ABCA7: variants seen among roughly 807,000 people sequenced by gnomAD.
ABCA7 encodes ATP binding cassette subfamily A member 7.
ABCA7 carries 261 observed loss-of-function variants against 227.6 expected under a neutral mutation model. The ratio of observed to expected loss-of-function variants is 1.15; its 90% CI spans 1.04 to 1.27. ABCA7 has a LOEUF of 1.27. Ranked by LOEUF, ABCA7 falls within the 50% of genes most tolerant of loss-of-function variation. ABCA7 has a pLI of 0.00. For missense variants in ABCA7, 3,331 were observed against 2,924.5 expected (o/e 1.14, Z -3.21); for synonymous variants, 1,488 against 1,279.7 (o/e 1.16, Z -3.47).
chr19:1,048,821 AAAC>A lies in ABCA7; in HGVS notation c.2270-71_2270-69del, dbSNP rs878960811. 3,861 of 852,742 alleles carry A rather than the reference AAAC, an allele frequency of 4.5e-3. 73 individuals are homozygous for A. In the African/African-American group the frequency reaches 0.047, roughly 10 times the overall value. 52.8% of individuals were successfully genotyped at this position (852,742 alleles called of 1,614,324 possible). The stretch of plus-strand genomic sequence containing the variant: ...AAGACTCCGTCTCAAAAAAAAAAAA[AAAC>A]AAAACCCCAAAAAAAGCCTGGTACA... On this transcript the variant is annotated intron_variant, in intron 16 of 46. Transcript: ENST00000263094.
chr19:1,049,035 T>C, intron 17 of ABCA7, 30 bp downstream of exon 17: 1 of 1,298,530 alleles, frequency 7.7e-7, no homozygotes, highest in South Asian at 1.3e-5. Context: ...AATAGCTGGT[T>C]GTCCACATAT....
chr19:1,061,945 C>T (rs1385898341), intron 41 of ABCA7, 57 bp downstream of exon 41: 4 of 1,494,842 alleles, frequency 2.7e-6, no homozygotes, highest in Non-Finnish European at 2.7e-6. Context: ...CGTCCTTGTG[C>T]TTCCCCACCC....
In ABCA7 at chr19:1,047,665, G is replaced by A. The variant is rs1234050323; in HGVS notation, c.2269+11G>A. 6.3e-7 allele frequency: 1 copy of A among 1,585,438 alleles called. No individual in the cohort carries two copies. The highest frequency in any genetic ancestry group is 1.7e-5 in the Admixed American group (1 of 58,804). ...AAGCTGTGTGCCCAGGTGGGCCGTA[G>A]GGGGCGGGGCTCCGGGCCGGGTCGC... is the stretch of plus-strand genomic sequence containing the variant. On this transcript the variant is annotated intron_variant, in intron 16 of 46. Coordinates refer to ENST00000263094, the MANE Select transcript of ABCA7 (RefSeq NM_019112.4).
At position 1,056,248 on chromosome 19, in the gene ABCA7, G is replaced by C. The variant is rs960225992; in HGVS notation, c.4416+5G>C. 1 of 1,590,516 alleles carries C rather than the reference G, an allele frequency of 6.3e-7. No homozygotes were observed. Among genetic ancestry groups the C allele is most frequent in the African/African-American group, 1.3e-5 (1 of 74,682 alleles). ...GATGCTCAGGACAGTCTCAAGGTGG[G>C]AACTGGGGGGGCAGGTGGGCGTCCT... On this transcript the variant is annotated splice_donor_5th_base_variant and intron_variant, in intron 32 of 46. Coordinates refer to ENST00000263094, the MANE Select transcript of ABCA7 (RefSeq NM_019112.4). The surrounding 1 kb of genome is among the most constrained non-coding windows in gnomAD (Gnocchi z 4.3).
chr19:1,047,610 C>G lies in ABCA7; in HGVS notation c.2225C>G (p.Ala742Gly). The G allele has an allele frequency of 1.2e-6, 2 of 1,601,894 alleles. No homozygotes were observed. Among genetic ancestry groups the G allele is most frequent in the Non-Finnish European group, 1.7e-6 (2 of 1,178,762 alleles). Residue 742 changes from alanine (A) to glycine (G), a missense_variant, in exon 16 of 47, where the codon GCG becomes GGG. Ala to Gly is a moderately conservative substitution (Grantham distance 60). Transcript: ENST00000263094. ...QVSGLLLLDA[A>G]LYGLATWYLE... ...TCTGGCCTTCTGCTGCTGGACGCGG[C>G]GCTCTACGGCCTCGCCACCTGGTAC...
chr19:1,062,702 C>T (rs4147923), intron 42 of ABCA7, among the ~76,000 whole-genome samples: 59,726 of 151,010 alleles, frequency 0.4, 11,849 homozygotes, highest in Middle Eastern at 0.44. Context: ...CAGTTTGCAG[C>T]CGTTTCACTG....
rs1329198033 is a variant in ABCA7, at chr19:1,050,782, A to AAAAAATAAT, written c.2553-137_2553-136insAAATAATAA. On this transcript the variant is annotated intron_variant, in intron 18 of 46. Transcript: ENST00000263094. The stretch of plus-strand genomic sequence containing the variant: ...GCAACAGAGTGAAACTCCGTCTCAA[A>AAAAAATAAT]AATAATAATAATAATAATAATAATA... 2.2e-5 allele frequency: 8 copies of AAAAAATAAT among 359,108 alleles called. 1 individual carries two copies. The highest frequency in any genetic ancestry group is 2.7e-4 in the South Asian group (2 of 7,432). 22.2% of individuals were successfully genotyped at this position (359,108 alleles called of 1,614,324 possible).
At position 1,044,629 on chromosome 19, in the gene ABCA7, G is replaced by GGGACCACATGGAGGCCC. The variant is rs765063029; in HGVS notation, c.1101_1117dup (p.Leu373ArgfsTer37). ...AGAAGGCAGCCCAGACCTGGAGGCC[G>GGGACCACATGGAGGCCC]GGACCACATGGAGGCCCTGCGATCC... is the stretch of plus-strand genomic sequence containing the variant. On this transcript the variant is annotated frameshift_variant, in exon 11 of 47. Coordinates refer to ENST00000263094, the MANE Select transcript of ABCA7 (RefSeq NM_019112.4). LOFTEE classifies it high-confidence loss of function. 4 of 1,613,122 alleles carry GGGACCACATGGAGGCCC rather than the reference G, an allele frequency of 2.5e-6. No homozygotes were observed. Among genetic ancestry groups the GGGACCACATGGAGGCCC allele is most frequent in the Non-Finnish European group, 3.4e-6 (4 of 1,179,986 alleles).
At position 1,047,186 on chromosome 19, in the gene ABCA7, G is replaced by A. The variant is rs148131395; in HGVS notation, c.1875G>A (p.Pro625=). 3.5e-5 allele frequency: 56 copies of A among 1,605,192 alleles called. No individual in the cohort carries two copies. The highest frequency in any genetic ancestry group is 8.4e-5 in the Admixed American group (5 of 59,606). The stretch of plus-strand genomic sequence containing the variant: ...GAGACATCCTCCCCTACAGCCACCC[G>A]GGCGTGGTCTTCCTGTTCTTGGCAG... The part of the protein sequence containing the change: ...KLGDILPYSH[P]GVVFLFLAAF... Residue 625 remains proline (P), a synonymous_variant, in exon 15 of 47, where the codon CCG becomes CCA. Transcript: ENST00000263094.
intron 21 of ABCA7, 35 bp from the exon 22 acceptor site, chr19:1,051,907 C>G (rs376645503): frequency 2.5e-6 from 4 of 1,601,330 alleles, no homozygotes; most frequent in Non-Finnish European, 3.4e-6. Context: ...ACGCGGCGGC[C>G]TGATGGTAGT....
At chr19:1,052,326 G>C in intron 23 of ABCA7, 40 bp downstream of exon 23, 1 of 1,522,890 alleles carries the variant, frequency 6.6e-7, no homozygotes, top group Non-Finnish European at 8.8e-7. Flanking sequence ...GGTGGGCAGT[G>C]GGGTGGCTGT....
intron 13 of ABCA7, 55 bp downstream of exon 13, chr19:1,046,461 G>T: frequency 6.6e-7 from 1 of 1,509,948 alleles, no homozygotes; most frequent in Non-Finnish European, 8.8e-7. Flanking sequence ...TCCCGGGTGT[G>T]GGGGTGGGCC....
At position 1,056,937 on chromosome 19, in the gene ABCA7, C is replaced by T; in HGVS notation, c.4617C>T (p.Ser1539=). Residue 1539 remains serine, a synonymous_variant, in exon 34 of 47, where the codon TCC becomes TCT. Coordinates refer to ENST00000263094, the MANE Select transcript of ABCA7 (RefSeq NM_019112.4). This position sits in a 1 kb window ranked among gnomAD's most constrained non-coding sequence, Gnocchi z 4.3. ...LMASSVDVLV[S]ICVVFAMSFV... ...CCTCCTCGGTGGACGTCCTCGTCTC[C>T]ATCTGTGTGGTCTTTGCCATGTCCT... 1 of 1,613,966 alleles carries T rather than the reference C, an allele frequency of 6.2e-7. No individual in the cohort carries two copies. The highest frequency in any genetic ancestry group is 8.5e-7 in the Non-Finnish European group (1 of 1,179,952).
intron 40 of ABCA7, among the ~76,000 whole-genome samples, chr19:1,061,085 A>G (rs1391692540): frequency 2.6e-5 from 4 of 151,910 alleles, no homozygotes; most frequent in Non-Finnish European, 4.4e-5. Context: ...ACGGCCTTCC[A>G]TGTGGACACT....
intron 12 of ABCA7, 29 bp from the exon 13 acceptor site, chr19:1,046,201 T>A: frequency 6.2e-7 from 1 of 1,601,314 alleles, no homozygotes; most frequent in Non-Finnish European, 8.5e-7. Context: ...AGCCCTTCCC[T>A]ACAACCGGCC....
intron 23 of ABCA7, among the ~76,000 whole-genome samples, chr19:1,052,718 GGAGGAGAAGGA>G (rs1278149038): frequency 1.4e-5 from 2 of 147,738 alleles, no homozygotes; most frequent in Admixed American, 1.3e-4. Flanking sequence ...GAGAGGAGGG[GGAGGAGAAGGA>G]GAGGAGGAGG....
In ABCA7 at chr19:1,061,919, G is replaced by A; in HGVS notation, c.5570+31G>A. The A allele has an allele frequency of 1.9e-6, 3 of 1,545,414 alleles. 1 individual carries two copies. The highest frequency in any genetic ancestry group is 2.5e-5 in the South Asian group (2 of 80,000). ...GGGTGCCAGGTAGGGTCAGGGTGGG[G>A]CAGGGTTGGCCCTGACGTCCTTGTG... On this transcript the variant is annotated intron_variant, in intron 41 of 46. Transcript: ENST00000263094.
intron 36 of ABCA7, 37 bp downstream of exon 36, chr19:1,058,096 G>A: frequency 6.2e-7 from 1 of 1,613,928 alleles, no homozygotes; most frequent in Admixed American, 1.7e-5. Flanking sequence ...GGCTGGGTTG[G>A]GTCGTTGGAC....
At position 1,044,751 on chromosome 19, in the gene ABCA7, G is replaced by T; in HGVS notation, c.1215+7G>T. ...GCTGGGCCGAGTGACGGAGGTGAGGGCCTGTCCACCTGCGGGGTCTGTTTC... is the reference window on the plus strand; with the variant it reads ...GCTGGGCCGAGTGACGGAGGTGAGGTCCTGTCCACCTGCGGGGTCTGTTTC... On this transcript the variant is annotated splice_region_variant and intron_variant, in intron 11 of 46. Transcript: ENST00000263094. The T allele has an allele frequency of 6.3e-7, 1 of 1,595,548 alleles. No homozygotes were observed. The highest frequency in any genetic ancestry group is 8.5e-7 in the Non-Finnish European group (1 of 1,172,784).
Sources: allele counts gnomAD v4.1 joint callset (sites outside exome capture counted in the v4.1 genomes callset), GRCh38; gene constraint gnomAD v4.1.1; non-coding constraint Gnocchi (gnomAD v3.1); transcripts MANE v1.5; gene names NCBI Gene and HGNC (gene_info 2026-07-23, HGNC 2026-07-21).